The following NTRK2 variants were observed in gnomAD, a reference collection of about 807,000 sequenced individuals.
NTRK2 encodes neurotrophic receptor tyrosine kinase 2.
A neutral mutation model predicts 94.5 loss-of-function variants in NTRK2; 13 were observed. The observed-to-expected ratio is 0.14, with a 90% CI of 0.09 to 0.22. The LOEUF (loss-of-function observed/expected upper bound fraction) is 0.22. NTRK2 is among the 10% of genes least tolerant of loss of function. The probability of loss-of-function intolerance (pLI) is 1.00; values close to 1 mark genes in which losing one functional copy is unlikely to be tolerated. For missense variants in NTRK2, 639 were observed against 1,071.2 expected (o/e 0.60, Z 5.63); for synonymous variants, 372 against 407.4 (o/e 0.91, Z 1.05).
chr9:84,821,177 C>G (rs906972044), intron 12 of NTRK2, among the ~76,000 whole-genome samples: 8 of 151,914 alleles, frequency 5.3e-5, no homozygotes, highest in Non-Finnish European at 8.8e-5. Flanking sequence ...TCTTTTTACT[C>G]AAGACAAACA....
Position 84,756,948 on chromosome 9 carries a change from TC to T in NTRK2, c.1396+4864del, listed in dbSNP as rs2065135188. On this transcript the variant is annotated intron_variant, in intron 12 of 18. Transcript: ENST00000277120. ...CAAAAATCTGCCTATTTAAAAATAG[TC>T]ATAAACATAGCGGGGCCAAAGCTAA... is the stretch of plus-strand genomic sequence containing the variant. Among the ~76,000 whole-genome samples, 4 of 152,300 alleles carry T rather than the reference TC, an allele frequency of 2.6e-5. 1 individual carries two copies. In the South Asian group the frequency reaches 8.3e-4, roughly 32 times the overall value.
intron 17 of NTRK2, among the ~76,000 whole-genome samples, chr9:84,981,422 T>C (rs554882989): frequency 2.0e-5 from 3 of 152,216 alleles, no homozygotes; most frequent in Non-Finnish European, 2.9e-5. Flanking sequence ...ACTTTTGAAG[T>C]CTTGATTTTT....
intron 12 of NTRK2, chr9:84,815,819 A>G (rs1395675908): frequency 2.3e-6 from 2 of 859,808 alleles, no homozygotes; most frequent in East Asian, 2.0e-4. Flanking sequence ...TAGAAGAAAC[A>G]GTGTGAGAAA....
At chr9:84,776,114 T>TAG (rs2067006636) in intron 12 of NTRK2, among the ~76,000 whole-genome samples, 2 of 152,104 alleles carry the variant, frequency 1.3e-5, no homozygotes, top group Non-Finnish European at 1.5e-5. Flanking sequence ...AGTTGGTACC[T>TAG]GTCTATCTAT....
At chr9:84,675,071 C>T (rs2058950249) in intron 2 of NTRK2, among the ~76,000 whole-genome samples, 1 of 152,150 alleles carries the variant, frequency 6.6e-6, no homozygotes, top group South Asian at 2.1e-4. Flanking sequence ...GAGTTTAGGT[C>T]TGTTTAAGGT....
At chr9:84,929,354 T>C (rs2077938184) in intron 14 of NTRK2, among the ~76,000 whole-genome samples, 1 of 152,150 alleles carries the variant, frequency 6.6e-6, no homozygotes, top group Admixed American at 6.5e-5. Context: ...TTCTGAAAAA[T>C]TCCATCAGTG....
intron 12 of NTRK2, among the ~76,000 whole-genome samples, chr9:84,822,133 A>G (rs756537534): frequency 6.6e-6 from 1 of 152,166 alleles, no homozygotes; most frequent in East Asian, 1.9e-4. Flanking sequence ...ATAAAGTATC[A>G]GAGAGTCTTT....
chr9:84,737,246 G>T (rs1337364064), intron 9 of NTRK2, among the ~76,000 whole-genome samples: 2 of 152,074 alleles, frequency 1.3e-5, no homozygotes, highest in East Asian at 3.9e-4. Context: ...CTACTGTCAG[G>T]CTACCTCTCT....
intron 12 of NTRK2, among the ~76,000 whole-genome samples, chr9:84,840,489 C>T (rs562770543): frequency 6.6e-6 from 1 of 152,110 alleles, no homozygotes; most frequent in East Asian, 1.9e-4. Context: ...CCCAGGACCG[C>T]CCTCCCCATG....
intron 17 of NTRK2, among the ~76,000 whole-genome samples, chr9:84,969,701 A>G (rs1336359123): frequency 2.6e-5 from 4 of 152,182 alleles, no homozygotes; most frequent in Non-Finnish European, 4.4e-5. Context: ...TCTGATTTCT[A>G]TGGGTGACAA....
intron 8 of NTRK2, among the ~76,000 whole-genome samples, chr9:84,725,563 G>A (rs963521088): frequency 6.6e-6 from 1 of 151,424 alleles, no homozygotes; most frequent in Non-Finnish European, 1.5e-5. Flanking sequence ...GTAGTGGTTG[G>A]TTCATAGCAC....
intron 12 of NTRK2, among the ~76,000 whole-genome samples, chr9:84,856,235 T>C (rs2075056221): frequency 1.3e-5 from 2 of 152,178 alleles, no homozygotes; most frequent in Non-Finnish European, 2.9e-5. Flanking sequence ...CTTTGTGTCA[T>C]GATTTCCAGA....
intron 12 of NTRK2, 42 bp downstream of exon 12, chr9:84,752,127 T>C: frequency 5.4e-6 from 8 of 1,489,556 alleles, no homozygotes; most frequent in Non-Finnish European, 7.5e-6. Context: ...TGTGGATCAT[T>C]TTTGGCTTAT....
Position 84,753,981 on chromosome 9 carries a change from T to A in NTRK2, c.1396+1896T>A, listed in dbSNP as rs578023313. Among the ~76,000 whole-genome samples, 3 of 152,264 alleles carry A rather than the reference T, an allele frequency of 2.0e-5. No homozygotes were observed. The East Asian group carries it at 5.8e-4, about 29-fold the overall frequency. On this transcript the variant is annotated intron_variant, in intron 12 of 18. Coordinates refer to ENST00000277120, the MANE Select transcript of NTRK2 (RefSeq NM_006180.6). ...GAATTACCAGTAAATGGCAACCTAC[T>A]CCTTACAATGTGGCAATGGAGGAGA...
rs199867149 is a variant in NTRK2, at chr9:85,023,297, G to A, written c.*1860G>A. On this transcript the variant is annotated 3_prime_UTR_variant, in exon 19 of 19. Coordinates refer to ENST00000277120, the MANE Select transcript of NTRK2 (RefSeq NM_006180.6). ...ATAACATGAGCCAGATTGAAAGGGA[G>A]TGATTTTCATTCATCTTAGGTCATG... The A allele has an allele frequency of 4.3e-6, 1 of 232,920 alleles. No homozygotes were observed. The highest frequency in any genetic ancestry group is 8.5e-6 in the Non-Finnish European group (1 of 117,832). The allele number at this position is 232,920 out of a possible 1,614,324, so 14.4% of individuals were successfully genotyped here.
At chr9:84,992,197 G>A (rs1023820284) in intron 17 of NTRK2, among the ~76,000 whole-genome samples, 1 of 152,096 alleles carries the variant, frequency 6.6e-6, no homozygotes, top group Admixed American at 6.5e-5. Context: ...ATACCTGGGG[G>A]TATCAAGTTG....
intron 2 of NTRK2, among the ~76,000 whole-genome samples, chr9:84,690,346 G>C (rs2059970679): frequency 6.6e-6 from 1 of 152,136 alleles, no homozygotes. Flanking sequence ...TTCTTCTTGT[G>C]AAATGATTTG....
At chr9:84,922,084 G>A (rs930830029) in intron 14 of NTRK2, among the ~76,000 whole-genome samples, 3 of 152,122 alleles carry the variant, frequency 2.0e-5, no homozygotes, top group Non-Finnish European at 4.4e-5. Context: ...TGATAAATTA[G>A]GTTGAGCTAT....
chr9:84,881,644 T>G (rs1377102837), intron 14 of NTRK2, among the ~76,000 whole-genome samples: 1 of 152,208 alleles, frequency 6.6e-6, no homozygotes, highest in Non-Finnish European at 1.5e-5. Context: ...AGAAAATACA[T>G]CTCTACTTCA....
Sources: gnomAD v4.1 joint callset for allele counts (sites outside exome capture counted in the v4.1 genomes callset) on GRCh38, gnomAD v4.1.1 for gene constraint, MANE v1.5 for transcripts, NCBI Gene and HGNC (gene_info 2026-07-23, HGNC 2026-07-21) for gene names.